Variants in MYO16 observed in about 807,000 individuals in gnomAD.
MYO16 encodes the protein unconventional myosin-XVI.
In MYO16, 94 loss-of-function variants were observed where a neutral mutation model predicts 205.3. The observed-to-expected ratio is 0.46, with a 90% confidence interval of 0.39 to 0.54. MYO16 has a LOEUF of 0.54. Ranked by LOEUF, MYO16 falls within the 20% of genes least tolerant of loss-of-function variation. The pLI, the probability that MYO16 is intolerant of heterozygous loss-of-function variation, is 0.00. For synonymous variants in MYO16, 988 were observed against 954.0 expected (o/e 1.04, Z -0.66); for missense variants, 2,315 against 2,387.5 (o/e 0.97, Z 0.63).
intron 16 of MYO16, among the ~76,000 whole-genome samples, chr13:108,948,617 T>C (rs1883026899): frequency 6.6e-6 from 1 of 152,224 alleles, no homozygotes; most frequent in African/African-American, 2.4e-5. Context: ...AAACAGTCAA[T>C]GTTTGTATTT....
chr13:108,990,534 G>T (rs1884793522), intron 20 of MYO16, among the ~76,000 whole-genome samples: 1 of 151,946 alleles, frequency 6.6e-6, no homozygotes. Flanking sequence ...AATTGCATTT[G>T]TTTTCTTATA....
At chr13:109,060,918 AC>A (rs754782342) in intron 27 of MYO16, among the ~76,000 whole-genome samples, 2 of 152,150 alleles carry the variant, frequency 1.3e-5, no homozygotes, top group Non-Finnish European at 2.9e-5. Context: ...TATTTCACCT[AC>A]ATAGAAAATC....
intron 7 of MYO16, among the ~76,000 whole-genome samples, chr13:108,819,038 A>G (rs1566349296): frequency 6.6e-6 from 1 of 152,176 alleles, no homozygotes; most frequent in African/African-American, 2.4e-5. Flanking sequence ...TCTCTTGGAA[A>G]AAAATATATT....
chr13:109,078,810 T>A (rs1169714628), intron 27 of MYO16, among the ~76,000 whole-genome samples: 1 of 152,178 alleles, frequency 6.6e-6, no homozygotes, highest in African/African-American at 2.4e-5. Context: ...TCGAGTTTTG[T>A]ACGCAGTGCC....
At chr13:108,857,004 C>T (rs1878214629) in intron 11 of MYO16, among the ~76,000 whole-genome samples, 1 of 152,198 alleles carries the variant, frequency 6.6e-6, no homozygotes, top group African/African-American at 2.4e-5. Flanking sequence ...ATGATATGCC[C>T]TGAACAGTCA....
At chr13:109,002,450 G>C (rs567179797) in intron 21 of MYO16, among the ~76,000 whole-genome samples, 76 of 152,294 alleles carry the variant, frequency 5.0e-4, no homozygotes, top group African/African-American at 1.8e-3. Flanking sequence ...TTCCAGGGGT[G>C]CATAGTTTTT....
rs898170152 is a variant in MYO16 at position 109,185,633 on chromosome 13, A to T, written c.5415+6000A>T. 7.9e-5 allele frequency among the ~76,000 whole-genome samples: 12 copies of T among 152,250 alleles called. No homozygotes were observed. The East Asian group carries it at 2.3e-3, about 29-fold the overall frequency. On this transcript the variant is annotated intron_variant, in intron 34 of 34. Transcript: ENST00000457511. ...ATGGAATAGTATAAACTTAAAAAAC[A>T]GTGATTAATGAAACATCACCTTTAA...
At chr13:109,024,353 G>T (rs1416722752) in intron 23 of MYO16, among the ~76,000 whole-genome samples, 1 of 151,932 alleles carries the variant, frequency 6.6e-6, no homozygotes, top group Non-Finnish European at 1.5e-5. Flanking sequence ...TGTACTTGAT[G>T]TGCCTTCTGA....
At chr13:108,590,627 G>T in the MYO16 span, among the ~76,000 whole-genome samples, 1 of 152,190 alleles carries the variant, frequency 6.6e-6, no homozygotes, top group Non-Finnish European at 1.5e-5. Context: ...GTTCTTATGA[G>T]AGGAGGGGAG....
At chr13:108,744,489 C>T (rs1436952105) in intron 4 of MYO16, among the ~76,000 whole-genome samples, 3 of 152,112 alleles carry the variant, frequency 2.0e-5, no homozygotes, top group Admixed American at 6.5e-5. Flanking sequence ...TTTATTGTTC[C>T]TCTCACGTTT....
chr13:109,023,657 ATG>A, intron 23 of MYO16, among the ~76,000 whole-genome samples: 1 of 129,420 alleles, frequency 7.7e-6, no homozygotes, highest in African/African-American at 2.9e-5. Context: ...ATATGTATAT[ATG>A]TATATATGCA....
chr13:108,686,808 A>G (rs1478679252), intron 2 of MYO16, among the ~76,000 whole-genome samples: 1 of 152,246 alleles, frequency 6.6e-6, no homozygotes, highest in African/African-American at 2.4e-5. Context: ...CCTGAGGACA[A>G]TGCCGCAGCA....
chr13:108,496,817 G>C, the MYO16 span, among the ~76,000 whole-genome samples: 1 of 152,328 alleles, frequency 6.6e-6, no homozygotes, highest in South Asian at 2.1e-4. Flanking sequence ...GCCATTGGAG[G>C]AGGAGCGGTT....
chr13:108,934,139 T>C (rs1375131472), intron 16 of MYO16, among the ~76,000 whole-genome samples: 2 of 152,146 alleles, frequency 1.3e-5, no homozygotes, highest in Non-Finnish European at 2.9e-5. Context: ...CAGTGGTGAA[T>C]GGTGTTCTGA....
chr13:108,906,804 C>T (rs747482233), intron 15 of MYO16, among the ~76,000 whole-genome samples: 1 of 152,084 alleles, frequency 6.6e-6, no homozygotes, highest in Non-Finnish European at 1.5e-5. Context: ...CTTCATGTTA[C>T]TGATAGGAAA....
chr13:108,972,353 T>TCTATATAA (rs1884074145), intron 20 of MYO16, among the ~76,000 whole-genome samples: 1 of 5,642 alleles, frequency 1.8e-4, no homozygotes, highest in African/African-American at 1.2e-3. Context: ...TATATAGCCA[T>TCTATATAA]ATATATATAT....
At chr13:108,534,869 T>C in the MYO16 span, among the ~76,000 whole-genome samples, 2 of 148,948 alleles carry the variant, frequency 1.3e-5, no homozygotes, top group East Asian at 2.0e-4. Flanking sequence ...TCCTCCTTCT[T>C]CTCCTTCTTC....
intron 21 of MYO16, among the ~76,000 whole-genome samples, chr13:108,997,354 GA>G (rs60774542): frequency 2.8e-4 from 1 of 3,606 alleles, no homozygotes; most frequent in African/African-American, 9.4e-4. Flanking sequence ...GAGAGAGAGA[GA>G]GAGAGAGAGA....
intron 23 of MYO16, among the ~76,000 whole-genome samples, chr13:109,035,540 C>T (rs1012634290): frequency 3.9e-5 from 6 of 152,032 alleles, no homozygotes; most frequent in Admixed American, 1.3e-4. Flanking sequence ...AAAAATTAGC[C>T]GGGCGTGGTG....
Sources: allele counts gnomAD v4.1 joint callset (sites outside exome capture counted in the v4.1 genomes callset), GRCh38; gene constraint gnomAD v4.1.1; transcripts MANE v1.5; gene names NCBI Gene and HGNC (gene_info 2026-07-23, HGNC 2026-07-21).